Variants in SORCS2 observed in about 807,000 individuals in gnomAD.
The protein encoded by SORCS2 is VPS10 domain-containing receptor SorCS2.
In SORCS2, 100 loss-of-function variants were observed where a neutral mutation model predicts 141.6. That is an observed-to-expected ratio of 0.71 (90% CI 0.60 to 0.83). SORCS2 has a LOEUF of 0.83. Ranked by LOEUF, SORCS2 falls within the 40% of genes least tolerant of loss-of-function variation. The pLI is 0.00. For synonymous variants in SORCS2, 789 were observed against 676.9 expected (o/e 1.17, Z -2.57); for missense variants, 1,646 against 1,560.2 (o/e 1.05, Z -0.93).
intron 3 of SORCS2, among the ~76,000 whole-genome samples, chr4:7,558,904 C>T (rs1024468653): frequency 1.3e-5 from 2 of 152,246 alleles, no homozygotes; most frequent in Non-Finnish European, 2.9e-5. Context: ...CCCCACATGG[C>T]TAACCTCCGA....
intron 3 of SORCS2, among the ~76,000 whole-genome samples, chr4:7,622,428 G>A (rs1401982651): frequency 2.0e-5 from 3 of 152,212 alleles, no homozygotes; most frequent in Non-Finnish European, 2.9e-5. Flanking sequence ...TCTTGCCACT[G>A]GAGGTATCCA....
chr4:7,574,574 G>A (rs1424907879), intron 3 of SORCS2, among the ~76,000 whole-genome samples: 1 of 152,006 alleles, frequency 6.6e-6, no homozygotes, highest in Admixed American at 6.6e-5. Context: ...GAGGAAGAGA[G>A]GGGAAGGAGG....
At chr4:7,466,835 C>T (rs994861857) in intron 2 of SORCS2, among the ~76,000 whole-genome samples, 1 of 152,152 alleles carries the variant, frequency 6.6e-6, no homozygotes, top group Non-Finnish European at 1.5e-5. Flanking sequence ...CTTGGGAGGT[C>T]CTGGAACCTG....
chr4:7,704,155 G>A (rs767401921), intron 13 of SORCS2, 22 bp from the exon 14 acceptor site: 1 of 1,603,006 alleles, frequency 6.2e-7, no homozygotes, highest in Non-Finnish European at 8.5e-7. Context: ...CCCCAGAGAT[G>A]CTGACGATCT....
At chr4:7,487,722 C>T (rs959664031) in intron 2 of SORCS2, among the ~76,000 whole-genome samples, 1 of 152,122 alleles carries the variant, frequency 6.6e-6, no homozygotes, top group Non-Finnish European at 1.5e-5. Flanking sequence ...GACTTGGCTC[C>T]CCCGCCTCCA....
chr4:7,738,005 G>C (rs1408542162), intron 26 of SORCS2, among the ~76,000 whole-genome samples: 1 of 152,270 alleles, frequency 6.6e-6, no homozygotes, highest in African/African-American at 2.4e-5. Context: ...AGAGCATGTG[G>C]AGGGAGGTGG....
At chr4:7,524,236 A>G (rs1318601150) in intron 2 of SORCS2, among the ~76,000 whole-genome samples, 1 of 152,188 alleles carries the variant, frequency 6.6e-6, no homozygotes, top group Admixed American at 6.5e-5. Flanking sequence ...ACTATATCCA[A>G]TGTGAAATCG....
chr4:7,378,571 G>T (rs1722797913), intron 1 of SORCS2, among the ~76,000 whole-genome samples: 1 of 152,148 alleles, frequency 6.6e-6, no homozygotes. Flanking sequence ...AATGGCATGG[G>T]GGAATCCACC....
chr4:7,608,102 G>T (rs1718174359), intron 3 of SORCS2, among the ~76,000 whole-genome samples: 1 of 152,148 alleles, frequency 6.6e-6, no homozygotes, highest in African/African-American at 2.4e-5. Context: ...GTCCCTCTGG[G>T]CACCCCTGGG....
rs373098290 is a variant in SORCS2 at position 7,193,214 on chromosome 4, C to A, written c.480+88C>A. On this transcript the variant is annotated intron_variant, in intron 1 of 26. Transcript: ENST00000507866. This position sits in a 1 kb window ranked among gnomAD's most constrained non-coding sequence, Gnocchi z 4.8. Reference sequence around the variant, plus strand: ...GACCGCCACGGCCCCCACCCCAGATCCCCACTATGGTCATCAGGGGCGGGT... The same window carrying A: ...GACCGCCACGGCCCCCACCCCAGATACCCACTATGGTCATCAGGGGCGGGT... 2 of 1,353,782 alleles carry A rather than the reference C, an allele frequency of 1.5e-6. No individual in the cohort carries two copies. The highest frequency in any genetic ancestry group is 1.5e-5 in the African/African-American group (1 of 65,808). 83.9% of individuals were successfully genotyped at this position (1,353,782 alleles called of 1,614,324 possible).
chr4:7,296,666 G>A (rs559435385), intron 1 of SORCS2, among the ~76,000 whole-genome samples: 9 of 152,346 alleles, frequency 5.9e-5, no homozygotes, highest in South Asian at 2.1e-4. Context: ...TTTGGGAATC[G>A]GAGTAGCCCC....
chr4:7,739,094 C>T (rs796631298), intron 26 of SORCS2, among the ~76,000 whole-genome samples: 15 of 152,340 alleles, frequency 9.8e-5, no homozygotes, highest in East Asian at 5.8e-4. Flanking sequence ...ATCGACATTG[C>T]GCCCACTGCA....
rs915743809 is a variant in SORCS2 at position 7,697,185 on chromosome 4, T to A, written c.1592-13T>A. ...ATCCTAAGGGTAGTACTGCCCCTTTTCTTTTGGACCAGGTAACCTGGGCTC... is the reference window on the plus strand; with the variant it reads ...ATCCTAAGGGTAGTACTGCCCCTTTACTTTTGGACCAGGTAACCTGGGCTC... On this transcript the variant is annotated splice_polypyrimidine_tract_variant and intron_variant, in intron 11 of 26. Transcript: ENST00000507866. 3 of 1,569,616 alleles carry A rather than the reference T, an allele frequency of 1.9e-6. No individual in the cohort carries two copies. Among genetic ancestry groups the A allele is most frequent in the Non-Finnish European group, 2.6e-6 (3 of 1,156,936 alleles).
chr4:7,429,593 A>T (rs1347400451), intron 2 of SORCS2, among the ~76,000 whole-genome samples: 3 of 152,228 alleles, frequency 2.0e-5, no homozygotes, highest in Non-Finnish European at 4.4e-5. Context: ...GGACTTGCCT[A>T]GAAAAGCCCC....
intron 1 of SORCS2, among the ~76,000 whole-genome samples, chr4:7,297,635 G>A (rs764401256): frequency 5.9e-5 from 9 of 152,190 alleles, no homozygotes; most frequent in Non-Finnish European, 1.0e-4. Context: ...CTAGATCCTC[G>A]TCTGAAGTTT....
chr4:7,731,078 G>A (rs6821770), intron 23 of SORCS2, among the ~76,000 whole-genome samples: 33,440 of 152,122 alleles, frequency 0.22, 4,086 homozygotes, highest in Admixed American at 0.36. Flanking sequence ...AGAAAGGACC[G>A]GAGGCAATCA....
intron 3 of SORCS2, among the ~76,000 whole-genome samples, chr4:7,556,087 C>T (rs1029947230): frequency 4.6e-5 from 7 of 152,104 alleles, no homozygotes; most frequent in South Asian, 2.1e-4. Context: ...AGGATGCCAA[C>T]GTTAGGGTTG....
intron 1 of SORCS2, among the ~76,000 whole-genome samples, chr4:7,246,866 A>G (rs1316176604): frequency 1.3e-5 from 2 of 151,442 alleles, no homozygotes; most frequent in African/African-American, 4.9e-5. Context: ...TCCACCAGCA[A>G]CTCTCCACCT....
intron 2 of SORCS2, among the ~76,000 whole-genome samples, chr4:7,460,331 A>T (rs34961985): frequency 0.27 from 41,124 of 152,162 alleles, 7,167 homozygotes; most frequent in Non-Finnish European, 0.39. Context: ...GGCACTAACC[A>T]GCCAACCCCA....
Sources: gnomAD v4.1 joint callset for allele counts (sites outside exome capture counted in the v4.1 genomes callset) on GRCh38, gnomAD v4.1.1 for gene constraint, Gnocchi (gnomAD v3.1) non-coding constraint, MANE v1.5 for transcripts, NCBI Gene and HGNC (gene_info 2026-07-23, HGNC 2026-07-21) for gene names.